The following PRKG1 variants were observed in gnomAD, a reference collection of about 807,000 sequenced individuals.
PRKG1 encodes the protein cGMP-dependent protein kinase 1.
Under a neutral mutation model 88.1 loss-of-function variants are expected in PRKG1, and 35 were observed. The ratio of observed to expected loss-of-function variants is 0.40; its 90% CI spans 0.30 to 0.53. The LOEUF (loss-of-function observed/expected upper bound fraction) is 0.53. PRKG1 is among the 20% of genes least tolerant of loss of function. The pLI is 0.59. For synonymous variants in PRKG1, 303 were observed against 292.5 expected (o/e 1.04, Z -0.37); for missense variants, 540 against 839.8 (o/e 0.64, Z 4.41).
intron 2 of PRKG1, among the ~76,000 whole-genome samples, chr10:51,221,881 T>C (rs1293627368): frequency 4.0e-5 from 6 of 148,156 alleles, no homozygotes; most frequent in Non-Finnish European, 7.5e-5. Context: ...TCTTTCTTTT[T>C]TTTTTTTTTT....
chr10:51,020,455 C>T (rs1353232805), intron 1 of PRKG1, among the ~76,000 whole-genome samples: 3 of 152,168 alleles, frequency 2.0e-5, no homozygotes, highest in African/African-American at 7.2e-5. Context: ...GATGCTTAGG[C>T]TGCATCAAAT....
At chr10:52,246,077 A>T (rs1841014931) in intron 9 of PRKG1, among the ~76,000 whole-genome samples, 1 of 150,962 alleles carries the variant, frequency 6.6e-6, no homozygotes. Context: ...TTGAAACATT[A>T]TATTTGGTTT....
intron 3 of PRKG1, among the ~76,000 whole-genome samples, chr10:51,758,900 T>C (rs1837943309): frequency 7.3e-6 from 1 of 137,476 alleles, no homozygotes; most frequent in Admixed American, 8.3e-5. Flanking sequence ...CCTGTGACCA[T>C]GTGTTCTCAT....
intron 3 of PRKG1, among the ~76,000 whole-genome samples, chr10:51,663,509 C>T (rs961982844): frequency 1.8e-4 from 27 of 150,978 alleles, no homozygotes; most frequent in Non-Finnish European, 3.7e-4. Context: ...GTTTAAGAGC[C>T]GCTTGGACAA....
intron 2 of PRKG1, among the ~76,000 whole-genome samples, chr10:51,356,742 T>C (rs564173485): frequency 6.6e-6 from 1 of 152,158 alleles, no homozygotes; most frequent in East Asian, 1.9e-4. Flanking sequence ...CTATAAACTT[T>C]AAATAAATGC....
chr10:51,257,033 A>C (rs919683965), intron 2 of PRKG1, among the ~76,000 whole-genome samples: 1 of 152,170 alleles, frequency 6.6e-6, no homozygotes, highest in African/African-American at 2.4e-5. Context: ...GAAAGCGATA[A>C]ATTTTGAAGA....
rs112075868 is a variant in PRKG1 at position 51,717,208 on chromosome 10, C to T, written c.593-87377C>T. On this transcript the variant is annotated intron_variant, in intron 3 of 17. Coordinates refer to ENST00000373980, the MANE Select transcript of PRKG1 (RefSeq NM_006258.4). Reference sequence around the variant, plus strand: ...TGGGGAAGCAGATGGAAGACAAATACCAGACATTCCCCCTCTTTGCAGTCT... The same window carrying T: ...TGGGGAAGCAGATGGAAGACAAATATCAGACATTCCCCCTCTTTGCAGTCT... Among the ~76,000 whole-genome samples, 564 of 152,286 alleles carry T rather than the reference C, an allele frequency of 3.7e-3. 5 individuals carry two copies. Among genetic ancestry groups the T allele is most frequent in the African/African-American group, 0.013 (549 of 41,538 alleles).
intron 9 of PRKG1, among the ~76,000 whole-genome samples, chr10:52,196,407 G>T (rs188095347): frequency 4.2e-4 from 64 of 152,316 alleles, no homozygotes; most frequent in African/African-American, 1.4e-3. Flanking sequence ...AATTCAAAAT[G>T]TAGGTGTTAT....
intron 2 of PRKG1, among the ~76,000 whole-genome samples, chr10:51,221,134 TC>T (rs1838517719): frequency 6.6e-6 from 1 of 152,020 alleles, no homozygotes; most frequent in African/African-American, 2.4e-5. Context: ...TAATGTATTT[TC>T]ACCAAATATA....
At chr10:51,710,596 C>T (rs767520711) in intron 3 of PRKG1, among the ~76,000 whole-genome samples, 9 of 152,302 alleles carry the variant, frequency 5.9e-5, no homozygotes, top group South Asian at 2.1e-4. Context: ...GGTCCTTTCA[C>T]GACCAGAGTT....
At chr10:51,697,614 G>A in intron 3 of PRKG1, 1 of 1,283,420 alleles carries the variant, frequency 7.8e-7, no homozygotes, top group Non-Finnish European at 1.1e-6. Context: ...TCCAAGTGTG[G>A]GGATACAGAA....
chr10:52,255,884 C>T (rs921125078), intron 10 of PRKG1, among the ~76,000 whole-genome samples: 3 of 151,854 alleles, frequency 2.0e-5, no homozygotes, highest in Non-Finnish European at 4.4e-5. Context: ...AATAACCTTT[C>T]ATTTGAACCC....
chr10:51,268,562 G>A (rs1360957137), intron 2 of PRKG1, among the ~76,000 whole-genome samples: 2 of 136,112 alleles, frequency 1.5e-5, no homozygotes, highest in Admixed American at 7.1e-5. Context: ...TGTTCTGCCC[G>A]GCTCAGCAGT....
chr10:51,069,842 A>C (rs568911910), upstream of PRKG1, among the ~76,000 whole-genome samples: 1 of 152,132 alleles, frequency 6.6e-6, no homozygotes, highest in Non-Finnish European at 1.5e-5. Flanking sequence ...TAGAACTTTT[A>C]GTTTTAAAGA....
chr10:51,450,379 G>A (rs1839399128), intron 2 of PRKG1, among the ~76,000 whole-genome samples: 1 of 151,916 alleles, frequency 6.6e-6, no homozygotes, highest in Non-Finnish European at 1.5e-5. Flanking sequence ...TGCTGACAGA[G>A]CCAAACATTT....
chr10:51,086,131 A>T (rs1361246445), intron 1 of PRKG1, among the ~76,000 whole-genome samples: 1 of 152,244 alleles, frequency 6.6e-6, no homozygotes, highest in Non-Finnish European at 1.5e-5. Flanking sequence ...ACTGAATGGC[A>T]TACAAATAAG....
intron 2 of PRKG1, among the ~76,000 whole-genome samples, chr10:51,175,623 G>T (rs1455671102): frequency 1.3e-5 from 2 of 151,878 alleles, no homozygotes; most frequent in Admixed American, 1.3e-4. Flanking sequence ...AAATTCCTGA[G>T]ATATATATTT....
intron 2 of PRKG1, among the ~76,000 whole-genome samples, chr10:51,284,479 A>G (rs1840382269): frequency 6.6e-6 from 1 of 152,226 alleles, no homozygotes; most frequent in Non-Finnish European, 1.5e-5. Context: ...AATTATTAAA[A>G]TAGGTTTGTT....
chr10:52,064,802 C>T (rs1846319221), intron 7 of PRKG1, among the ~76,000 whole-genome samples: 1 of 152,174 alleles, frequency 6.6e-6, no homozygotes, highest in Non-Finnish European at 1.5e-5. Flanking sequence ...GTGTGCAGAC[C>T]TGGCCATACC....
Sources: gnomAD v4.1 joint callset for allele counts (sites outside exome capture counted in the v4.1 genomes callset) on GRCh38, gnomAD v4.1.1 for gene constraint, MANE v1.5 for transcripts, NCBI Gene and HGNC (gene_info 2026-07-23, HGNC 2026-07-21) for gene names.